Variants in SPHKAP observed in about 807,000 individuals in gnomAD.
The protein encoded by SPHKAP is A-kinase anchor protein SPHKAP.
In SPHKAP, 67 loss-of-function variants were observed where a neutral mutation model predicts 137.5. That is an observed-to-expected ratio of 0.49 (90% CI 0.40 to 0.60). SPHKAP has a LOEUF of 0.60. Among genes scored for constraint, SPHKAP ranks in the 20% least tolerant of loss-of-function variants. The pLI, the probability that SPHKAP is intolerant of heterozygous loss-of-function variation, is 0.00. For missense variants in SPHKAP, 2,097 were observed against 2,069.3 expected (o/e 1.01, Z -0.26); for synonymous variants, 813 against 785.3 (o/e 1.04, Z -0.59).
intron 1 of SPHKAP, among the ~76,000 whole-genome samples, chr2:228,178,944 A>T (rs1388318041): frequency 1.3e-5 from 2 of 152,160 alleles, no homozygotes; most frequent in African/African-American, 2.4e-5. Flanking sequence ...TTAAAAAAAA[A>T]AAACATGTTT....
Position 227,979,988 on chromosome 2 carries a change from T to C in SPHKAP, c.*1729A>G, listed in dbSNP as rs1692941180. ...CAGAGATTTATTGATTAATTTGCAA[T>C]GTTAGGTACAACATAGATAACTTCA... On this transcript the variant is annotated 3_prime_UTR_variant, in exon 12 of 12. Transcript: ENST00000392056. 1 of 152,628 alleles carries C rather than the reference T, an allele frequency of 6.6e-6. No individual in the cohort carries two copies. Among genetic ancestry groups the C allele is most frequent in the African/African-American group, 2.4e-5 (1 of 41,460 alleles). The allele number at this position is 152,628 out of a possible 1,614,324, so 9.5% of individuals were successfully genotyped here. A position where few individuals can be genotyped will look rare whatever the true frequency, so the allele number is the denominator to read the frequency against.
intron 1 of SPHKAP, among the ~76,000 whole-genome samples, chr2:228,168,210 G>T (rs1700476675): frequency 6.6e-6 from 1 of 151,968 alleles, no homozygotes; most frequent in South Asian, 2.1e-4. Context: ...GCTCCAACTT[G>T]CCACAAGAAA....
intron 3 of SPHKAP, among the ~76,000 whole-genome samples, chr2:228,092,655 CAT>C (rs972558406): frequency 1.4e-5 from 2 of 146,222 alleles, no homozygotes; most frequent in African/African-American, 5.0e-5. Context: ...TATGTATATA[CAT>C]ATATATACAT....
At chr2:228,118,725 T>A (rs1395259235) in intron 2 of SPHKAP, among the ~76,000 whole-genome samples, 1 of 152,188 alleles carries the variant, frequency 6.6e-6, no homozygotes, top group Non-Finnish European at 1.5e-5. Flanking sequence ...TATTTAATGT[T>A]AGCTTTGGAA....
chr2:228,069,871 A>C (rs1340157121), intron 3 of SPHKAP, among the ~76,000 whole-genome samples: 2 of 152,186 alleles, frequency 1.3e-5, no homozygotes, highest in African/African-American at 4.8e-5. Context: ...GGCAGTTGTG[A>C]CTTGCATTAC....
chr2:228,179,333 C>A (rs554486724), intron 1 of SPHKAP, among the ~76,000 whole-genome samples: 1 of 152,286 alleles, frequency 6.6e-6, no homozygotes, highest in African/African-American at 2.4e-5. Flanking sequence ...ATAATCAATT[C>A]TTTAAAATGC....
At chr2:228,058,194 C>G (rs1384439224) in intron 3 of SPHKAP, among the ~76,000 whole-genome samples, 1 of 152,182 alleles carries the variant, frequency 6.6e-6, no homozygotes, top group African/African-American at 2.4e-5. Context: ...CATTCTAGCC[C>G]ATTCTGCATC....
At chr2:228,161,755 T>A (rs1003664964) in intron 1 of SPHKAP, among the ~76,000 whole-genome samples, 7 of 151,002 alleles carry the variant, frequency 4.6e-5, no homozygotes, top group Non-Finnish European at 1.0e-4. Flanking sequence ...TGCTTAGAAG[T>A]ACAAATCCAC....
intron 1 of SPHKAP, among the ~76,000 whole-genome samples, chr2:228,180,299 C>T (rs1700865383): frequency 6.6e-6 from 1 of 152,126 alleles, no homozygotes; most frequent in Non-Finnish European, 1.5e-5. Context: ...AGCGTTATTT[C>T]ATCGCGGAAT....
intron 1 of SPHKAP, among the ~76,000 whole-genome samples, chr2:228,174,544 A>T (rs1700682798): frequency 6.6e-6 from 1 of 152,168 alleles, no homozygotes; most frequent in Non-Finnish European, 1.5e-5. Flanking sequence ...AAGTCGTTTA[A>T]CTTTTCTCAG....
intron 4 of SPHKAP, among the ~76,000 whole-genome samples, chr2:228,026,327 G>A (rs1574766506): frequency 6.6e-6 from 1 of 152,178 alleles, no homozygotes; most frequent in East Asian, 1.9e-4. Flanking sequence ...TAATAAAATT[G>A]TGACTAGCAT....
chr2:228,053,680 C>T (rs1326986516), intron 3 of SPHKAP, among the ~76,000 whole-genome samples: 1 of 152,182 alleles, frequency 6.6e-6, no homozygotes, highest in East Asian at 1.9e-4. Flanking sequence ...TATGTGCCTG[C>T]TACTTCACTA....
At chr2:228,008,352 A>G (rs996729874) in intron 7 of SPHKAP, among the ~76,000 whole-genome samples, 2 of 150,970 alleles carry the variant, frequency 1.3e-5, no homozygotes, top group Non-Finnish European at 2.9e-5. Context: ...GCTGGAGTGA[A>G]GTGGTGCAAT....
At chr2:228,071,418 C>A (rs879638007) in intron 3 of SPHKAP, among the ~76,000 whole-genome samples, 1 of 152,176 alleles carries the variant, frequency 6.6e-6, no homozygotes, top group African/African-American at 2.4e-5. Context: ...GTTATCTTGA[C>A]ATTTTTTAAG....
At chr2:228,064,808 A>T (rs553346882) in intron 3 of SPHKAP, among the ~76,000 whole-genome samples, 1 of 152,376 alleles carries the variant, frequency 6.6e-6, no homozygotes. Context: ...GCACTATAGT[A>T]GATGAAGAAA....
intron 1 of SPHKAP, among the ~76,000 whole-genome samples, chr2:228,154,512 C>CTATATATATATATATATATATATATA (rs1559203928): frequency 4.5e-5 from 1 of 22,066 alleles, no homozygotes; most frequent in Non-Finnish European, 7.4e-5. Flanking sequence ...CTCTCTCTCT[C>CTATATATATATATATATATATATATA]TATATATATA....
chr2:228,071,699 A>G (rs546706076), intron 3 of SPHKAP, among the ~76,000 whole-genome samples: 1 of 152,156 alleles, frequency 6.6e-6, no homozygotes, highest in East Asian at 1.9e-4. Context: ...TCTTTTTAAT[A>G]ATGGTCCTTA....
intron 3 of SPHKAP, among the ~76,000 whole-genome samples, chr2:228,108,030 C>CT (rs1698398640): frequency 6.6e-6 from 1 of 152,108 alleles, no homozygotes; most frequent in African/African-American, 2.4e-5. Flanking sequence ...ATTCAGCTTC[C>CT]TTTTTTGTTT....
chr2:228,034,953 C>G (rs1474550467), intron 3 of SPHKAP, among the ~76,000 whole-genome samples: 1 of 151,310 alleles, frequency 6.6e-6, no homozygotes. Context: ...TGGAAGCATT[C>G]CCTTTGAAAA....
Sources: gnomAD v4.1 joint callset for allele counts (sites outside exome capture counted in the v4.1 genomes callset) on GRCh38, gnomAD v4.1.1 for gene constraint, MANE v1.5 for transcripts, NCBI Gene and HGNC (gene_info 2026-07-23, HGNC 2026-07-21) for gene names.